The following PSMD11 variants were observed in gnomAD, a reference collection of about 807,000 sequenced individuals.
PSMD11 encodes proteasome 26S subunit, non-ATPase 11.
A neutral mutation model predicts 62.3 loss-of-function variants in PSMD11; 5 were observed. The ratio of observed to expected loss-of-function variants is 0.08; its 90% confidence interval spans 0.04 to 0.17. The LOEUF (loss-of-function observed/expected upper bound fraction) is 0.17, where lower values mean the gene tolerates loss of function less well. PSMD11 is among the 10% of genes least tolerant of loss of function. The pLI, the probability that PSMD11 is intolerant of heterozygous loss-of-function variation, is 1.00. For synonymous variants in PSMD11, 191 were observed against 191.8 expected, an observed-to-expected ratio of 1.00 and a Z score of 0.03; for missense variants, 310 against 512.9, an observed-to-expected ratio of 0.60 and a Z score of 3.82.
At chr17:32,478,561 GGAAATACTAGGGCTAAAC>G (rs1324505136) in intron 9 of PSMD11, among the ~76,000 whole-genome samples, 1 of 152,056 alleles carries the variant, frequency 6.6e-6, no homozygotes, top group African/African-American at 2.4e-5. Context: ...TAGATATTTG[GGAAATACTAGGGCTAAAC>G]AAAATACTAG....
rs1267017871 is a variant in PSMD11 at position 32,465,804 on chromosome 17, TCTCTA to T, written c.448+1229_448+1233del. On this transcript the variant is annotated intron_variant, in intron 5 of 13. Transcript: ENST00000261712. ...GCCTAGGCAACATGGTGAAACCCCG[TCTCTA>T]CTAAAAATACAAAAAATTTGCAGGA... Among the ~76,000 whole-genome samples, 5 of 151,074 alleles carry T rather than the reference TCTCTA, an allele frequency of 3.3e-5. No homozygotes were observed. The East Asian group carries it at 9.9e-4, about 30-fold the overall frequency.
At chr17:32,473,678 G>C in intron 6 of PSMD11, 123 bp from the exon 7 acceptor site, 1 of 910,072 alleles carries the variant, frequency 1.1e-6, no homozygotes, top group Non-Finnish European at 1.7e-6. Context: ...GCCTCCCAAA[G>C]TGTGGATTTA....
intron 3 of PSMD11, among the ~76,000 whole-genome samples, chr17:32,461,774 C>T (rs1907853497): frequency 6.6e-6 from 1 of 152,172 alleles, no homozygotes; most frequent in Non-Finnish European, 1.5e-5. Flanking sequence ...CAGATATTAA[C>T]CGATTAGTAG....
intron 3 of PSMD11, 120 bp downstream of exon 3, chr17:32,454,739 CTTATCA>C: frequency 9.4e-7 from 1 of 1,062,442 alleles, no homozygotes; most frequent in South Asian, 1.6e-5. Context: ...CAGCGCAGGA[CTTATCA>C]TGTCAGTTTC....
rs796136162 is a variant in PSMD11 at position 32,464,381 on chromosome 17, C to T, written c.391-140C>T. On this transcript the variant is annotated intron_variant, in intron 4 of 13. Coordinates refer to ENST00000261712, the MANE Select transcript of PSMD11 (RefSeq NM_002815.4). The stretch of plus-strand genomic sequence containing the variant: ...GCTATAATAGGAGACAATACATTGG[C>T]TAGATCGTCTCTTATGCTGAATTTG... 8 of 746,572 alleles carry T rather than the reference C, an allele frequency of 1.1e-5. No homozygotes were observed. In the African/African-American group the frequency reaches 1.4e-4, roughly 13 times the overall value. 46.2% of individuals were successfully genotyped at this position (746,572 alleles called of 1,614,324 possible).
chr17:32,480,141 T>A lies in PSMD11; in HGVS notation c.1075-5T>A. ...GGTCCCTTTAATCATGTGCTTTGATTTTAGGCCGACGTGGAAAGGAAATTA... is the reference window on the plus strand; with the variant it reads ...GGTCCCTTTAATCATGTGCTTTGATATTAGGCCGACGTGGAAAGGAAATTA... On this transcript the variant is annotated splice_region_variant and splice_polypyrimidine_tract_variant and intron_variant, in intron 11 of 13. Transcript: ENST00000261712. 1 of 1,613,344 alleles carries A rather than the reference T, an allele frequency of 6.2e-7. No homozygotes were observed. Among genetic ancestry groups the A allele is most frequent in the East Asian group, 2.2e-5 (1 of 44,886 alleles).
At chr17:32,479,126 A>C in intron 9 of PSMD11, 125 bp from the exon 10 acceptor site, 1 of 1,289,578 alleles carries the variant, frequency 7.8e-7, no homozygotes, top group South Asian at 1.5e-5. Context: ...GCATCTCCCC[A>C]GATCTCCCCT....
rs984406914 is a variant in PSMD11, at chr17:32,454,097, C to G, written c.194-398C>G. ...AGTTAGAAAAAAATTACCCCTATGA[C>G]CTGATCATATTTATTGGTTGTGAGG... is the stretch of plus-strand genomic sequence containing the variant. On this transcript the variant is annotated intron_variant, in intron 2 of 13. Coordinates refer to ENST00000261712, the MANE Select transcript of PSMD11 (RefSeq NM_002815.4). Among the ~76,000 whole-genome samples, 80 of 152,240 alleles carry G rather than the reference C, an allele frequency of 5.3e-4. 1 individual carries two copies. The highest frequency in any genetic ancestry group is 1.6e-3 in the African/African-American group (67 of 41,542).
intron 2 of PSMD11, among the ~76,000 whole-genome samples, chr17:32,452,927 G>GCCA (rs1460634650): frequency 6.6e-6 from 1 of 152,208 alleles, no homozygotes. Context: ...AGTTGAAATA[G>GCCA]CCAAAGATGT....
Position 32,453,255 on chromosome 17 carries a change from T to C in PSMD11, c.194-1240T>C, listed in dbSNP as rs556444811. On this transcript the variant is annotated intron_variant, in intron 2 of 13. Transcript: ENST00000261712. ...AGAATCACTGTAGACTGGAGTTACA[T>C]GGGAAACTCAATAGGACTTCAGATG... Among the ~76,000 whole-genome samples the C allele has an allele frequency of 1.6e-3, 238 of 152,296 alleles. 1 individual carries two copies. Among genetic ancestry groups the C allele is most frequent in the Non-Finnish European group, 7.2e-4 (49 of 68,018 alleles).
intron 3 of PSMD11, chr17:32,463,490 C>G (rs1907903850): frequency 6.5e-6 from 1 of 153,116 alleles, no homozygotes; most frequent in Non-Finnish European, 1.5e-5. Flanking sequence ...GCTTTTATCC[C>G]CTTTAATGCA....
intron 9 of PSMD11, 47 bp downstream of exon 9, chr17:32,477,630 A>G (rs1908367436): frequency 6.2e-6 from 9 of 1,462,702 alleles, no homozygotes; most frequent in Non-Finnish European, 8.5e-6. Flanking sequence ...GAAGAGAGGG[A>G]CGTTTAAGTA....
intron 2 of PSMD11, among the ~76,000 whole-genome samples, chr17:32,452,695 A>G (rs1907542496): frequency 6.6e-6 from 1 of 152,360 alleles, no homozygotes; most frequent in Non-Finnish European, 1.5e-5. Flanking sequence ...CTCAGTCTGA[A>G]CAAAGAGAGG....
intron 5 of PSMD11, among the ~76,000 whole-genome samples, chr17:32,467,608 T>A (rs1908035292): frequency 6.6e-6 from 1 of 152,142 alleles, no homozygotes; most frequent in Admixed American, 6.5e-5. Flanking sequence ...AATTGGTTAT[T>A]TGTGTTTTTA....
At chr17:32,450,285 C>T (rs373173504) in intron 2 of PSMD11, among the ~76,000 whole-genome samples, 1 of 150,638 alleles carries the variant, frequency 6.6e-6, no homozygotes, top group South Asian at 2.1e-4. Flanking sequence ...GACCGAGTTT[C>T]ATTCTGTTGC....
chr17:32,467,116 T>C (rs1181875718), intron 5 of PSMD11, among the ~76,000 whole-genome samples: 1 of 151,770 alleles, frequency 6.6e-6, no homozygotes, highest in Non-Finnish European at 1.5e-5. Flanking sequence ...GGCTAATTTT[T>C]GTATTCTTAG....
At chr17:32,474,077 C>A in intron 7 of PSMD11, 132 bp downstream of exon 7, 1 of 1,105,644 alleles carries the variant, frequency 9.0e-7, no homozygotes, top group Non-Finnish European at 1.3e-6. Context: ...CTAGGGCTGG[C>A]TAAGGTAGAG....
chr17:32,450,682 T>C (rs1247582543), intron 2 of PSMD11, among the ~76,000 whole-genome samples: 7 of 151,962 alleles, frequency 4.6e-5, no homozygotes, highest in Admixed American at 4.6e-4. Context: ...TAACTCAGTA[T>C]GTATGAAAGT....
chr17:32,449,261 T>TGGG (rs1907421125), intron 2 of PSMD11, among the ~76,000 whole-genome samples: 1 of 151,968 alleles, frequency 6.6e-6, no homozygotes, highest in Non-Finnish European at 1.5e-5. Flanking sequence ...AAAAATTAGC[T>TGGG]GGGTGTGGTG....
Sources: allele counts gnomAD v4.1 joint callset (sites outside exome capture counted in the v4.1 genomes callset), GRCh38; gene constraint gnomAD v4.1.1; transcripts MANE v1.5; gene names NCBI Gene and HGNC (gene_info 2026-07-23, HGNC 2026-07-21).